Variants in DLG5 observed in about 807,000 individuals in gnomAD.
DLG5 encodes the protein disks large homolog 5.
DLG5 carries 48 observed loss-of-function variants against 189.8 expected under a neutral mutation model. That is an observed-to-expected ratio of 0.25 (90% confidence interval 0.20 to 0.32). The LOEUF is 0.32. Among genes scored for constraint, DLG5 ranks in the 10% least tolerant of loss-of-function variants. The pLI, the probability that DLG5 is intolerant of heterozygous loss-of-function variation, is 1.00. For synonymous variants in DLG5, 1,016 were observed against 1,054.1 expected (o/e 0.96, Z 0.70); for missense variants, 2,160 against 2,544.7 (o/e 0.85, Z 3.25).
the DLG5 span, among the ~76,000 whole-genome samples, chr10:77,938,640 A>G: frequency 6.6e-6 from 1 of 152,194 alleles, no homozygotes; most frequent in Non-Finnish European, 1.5e-5. Context: ...AAATTGAAGC[A>G]GTCCCCCTTT....
At chr10:77,809,522 G>A (rs371074669) in intron 24 of DLG5, 25 bp downstream of exon 24, 2 of 1,598,926 alleles carry the variant, frequency 1.3e-6, no homozygotes, top group Non-Finnish European at 1.7e-6. Context: ...TGGAGGCCTG[G>A]CCTGCTCAGC....
At chr10:77,932,774 G>GC in the DLG5 span, among the ~76,000 whole-genome samples, 2 of 152,300 alleles carry the variant, frequency 1.3e-5, no homozygotes, top group East Asian at 3.9e-4. Flanking sequence ...CACTGCTGGG[G>GC]CGCTAAGCAC....
At chr10:77,836,535 C>T (rs1195908981) in intron 7 of DLG5, among the ~76,000 whole-genome samples, 7 of 152,126 alleles carry the variant, frequency 4.6e-5, no homozygotes, top group Non-Finnish European at 1.0e-4. Context: ...CACACACGCA[C>T]AGGAAGAAAG....
intron 15 of DLG5, chr10:77,820,233 C>A (rs927842119): frequency 2.4e-5 from 13 of 539,998 alleles, no homozygotes; most frequent in Non-Finnish European, 4.1e-5. Flanking sequence ...GTAATCCCAG[C>A]TACTTGGGAG....
intron 2 of DLG5, among the ~76,000 whole-genome samples, chr10:77,859,001 T>G (rs1467552141): frequency 6.6e-6 from 1 of 152,270 alleles, no homozygotes; most frequent in East Asian, 1.9e-4. Context: ...GCCTCCTAAG[T>G]AGCTGGGACT....
chr10:77,855,119 A>G (rs1368476531), intron 3 of DLG5, among the ~76,000 whole-genome samples: 1 of 152,274 alleles, frequency 6.6e-6, no homozygotes, highest in Non-Finnish European at 1.5e-5. Flanking sequence ...GGTCAATTAC[A>G]TTAGCATATC....
intron 20 of DLG5, 106 bp from the exon 21 acceptor site, chr10:77,812,483 C>A: frequency 1.5e-6 from 2 of 1,332,340 alleles, no homozygotes; most frequent in Admixed American, 4.7e-5. Context: ...GAAAGGGCCC[C>A]GAGCCTGGAT....
rs571052663 is a variant in DLG5 at position 77,828,514 on chromosome 10, A to C, written c.2289+368T>G. ...AAAAAAAAAAAAAAAAAAAAAAGTT[A>C]ATAGAGGTTATCTACAGGTGGTACC... is the stretch of plus-strand genomic sequence containing the variant. On this transcript the variant is annotated intron_variant, in intron 13 of 31. Transcript: ENST00000372391. Among the ~76,000 whole-genome samples the C allele has an allele frequency of 1.7e-3, 234 of 139,002 alleles. 1 individual carries two copies. The highest frequency in any genetic ancestry group is 6.0e-3 in the African/African-American group (223 of 36,892). The allele number at this position is 139,002 out of a possible 152,430, so 91.2% of individuals were successfully genotyped here. A position where few individuals can be genotyped will look rare whatever the true frequency, so the allele number is the denominator to read the frequency against.
At chr10:77,861,029 G>A (rs977441406) in intron 2 of DLG5, among the ~76,000 whole-genome samples, 5 of 152,234 alleles carry the variant, frequency 3.3e-5, no homozygotes, top group African/African-American at 1.2e-4. Flanking sequence ...AATGCGGCAG[G>A]AACAGCATCA....
chr10:77,806,687 G>T, intron 26 of DLG5, 71 bp downstream of exon 26: 1 of 1,494,844 alleles, frequency 6.7e-7, no homozygotes, highest in Non-Finnish European at 9.2e-7. Context: ...CCCCTCCCAT[G>T]GGACAGCTCC....
intron 1 of DLG5, among the ~76,000 whole-genome samples, chr10:77,877,898 C>A (rs1341118081): frequency 7.9e-5 from 12 of 152,166 alleles, no homozygotes; most frequent in African/African-American, 2.2e-4. Flanking sequence ...ACATGTCACA[C>A]CAAACCCAGA....
At chr10:77,901,613 C>T (rs1845929608) in intron 1 of DLG5, among the ~76,000 whole-genome samples, 1 of 152,238 alleles carries the variant, frequency 6.6e-6, no homozygotes, top group South Asian at 2.1e-4. Context: ...GGCCTCCTTC[C>T]CGCACTGCAG....
chr10:77,827,130 G>A (rs1842677304), intron 13 of DLG5, among the ~76,000 whole-genome samples: 1 of 152,154 alleles, frequency 6.6e-6, no homozygotes, highest in Non-Finnish European at 1.5e-5. Flanking sequence ...GTACACAAGA[G>A]GTCTAGCCAG....
chr10:77,938,699 A>C, the DLG5 span, among the ~76,000 whole-genome samples: 1 of 152,168 alleles, frequency 6.6e-6, no homozygotes, highest in African/African-American at 2.4e-5. Flanking sequence ...CTTTGCCCAC[A>C]GGCCCCAGTT....
Position 77,858,307 on chromosome 10 carries a change from TA to T in DLG5, c.374-1416del, listed in dbSNP as rs539745365. On this transcript the variant is annotated intron_variant, in intron 2 of 31. Coordinates refer to ENST00000372391, the MANE Select transcript of DLG5 (RefSeq NM_004747.4). ...AGTTAGAAACAAAAGAAATATGTAT[TA>T]AAAAAAAAAGATTAAATCACATCTC... Among the ~76,000 whole-genome samples the T allele has an allele frequency of 2.7e-3, 399 of 148,652 alleles. 2 individuals are homozygous for T. Among genetic ancestry groups the T allele is most frequent in the South Asian group, 0.024 (111 of 4,690 alleles).
At chr10:77,933,442 C>T in the DLG5 span, among the ~76,000 whole-genome samples, 19,866 of 151,782 alleles carry the variant, frequency 0.13, 3,169 homozygotes, top group African/African-American at 0.38. Context: ...TACAGATGCC[C>T]GCCACCACGC....
At position 77,853,421 on chromosome 10, in the gene DLG5, T is replaced by C. The variant is rs1217560551; in HGVS notation, c.797A>G (p.Glu266Gly). ...CTCCTCGTGGAGCCGCTTCATGTCC[T>C]CCCATGACTGCTGCAGCAGGTTTCG... ...RERNLLQQSW[E>G]DMKRLHEEDQ... Residue 266 changes from glutamate (E) to glycine (G), a missense_variant, in exon 5 of 32, where the codon GAG becomes GGG. Glu to Gly is a moderately conservative substitution (Grantham distance 98, BLOSUM62 -2). Transcript: ENST00000372391. 6.2e-7 allele frequency: 1 copy of C among 1,609,070 alleles called. No homozygotes were observed. Among genetic ancestry groups the C allele is most frequent in the Non-Finnish European group, 8.5e-7 (1 of 1,177,704 alleles).
At chr10:77,878,081 C>T (rs1845161808) in intron 1 of DLG5, among the ~76,000 whole-genome samples, 1 of 152,230 alleles carries the variant, frequency 6.6e-6, no homozygotes, top group South Asian at 2.1e-4. Context: ...CGGCTCCCTC[C>T]TGCTCTGGCC....
intron 14 of DLG5, 136 bp downstream of exon 14, chr10:77,824,248 C>T: frequency 3.2e-6 from 2 of 631,870 alleles, no homozygotes; most frequent in Non-Finnish European, 5.4e-6. Context: ...AGTCAGGGTT[C>T]CTGCCCCCTC....
Sources: allele counts gnomAD v4.1 joint callset (sites outside exome capture counted in the v4.1 genomes callset), GRCh38; gene constraint gnomAD v4.1.1; transcripts MANE v1.5; gene names NCBI Gene and HGNC (gene_info 2026-07-23, HGNC 2026-07-21).